The following NKAIN2 variants were observed in gnomAD, a reference collection of about 807,000 sequenced individuals.
The protein encoded by NKAIN2 is sodium/potassium-transporting ATPase subunit beta-1-interacting protein 2.
A neutral mutation model predicts 32.6 loss-of-function variants in NKAIN2; 14 were observed. The observed-to-expected ratio is 0.43, with a 90% CI of 0.28 to 0.67. The LOEUF is 0.67. Ranked by LOEUF, NKAIN2 falls within the 30% of genes least tolerant of loss-of-function variation. NKAIN2 has a pLI of 0.17. For missense variants in NKAIN2, 198 were observed against 258.3 expected (o/e 0.77, Z 1.60); for synonymous variants, 80 against 87.2 (o/e 0.92, Z 0.46).
At chr6:124,254,485 G>C (rs933540662) in intron 1 of NKAIN2, among the ~76,000 whole-genome samples, 1 of 151,964 alleles carries the variant, frequency 6.6e-6, no homozygotes, top group Admixed American at 6.6e-5. Flanking sequence ...AGATTGATTT[G>C]TATTTTTCTT....
chr6:124,051,945 CAATT>C (rs1782424318), intron 1 of NKAIN2, among the ~76,000 whole-genome samples: 1 of 151,962 alleles, frequency 6.6e-6, no homozygotes, highest in Non-Finnish European at 1.5e-5. Flanking sequence ...TGCCATGTGA[CAATT>C]AATCACTAGT....
At chr6:124,465,071 C>G (rs1009798796) in intron 3 of NKAIN2, among the ~76,000 whole-genome samples, 2 of 151,924 alleles carry the variant, frequency 1.3e-5, no homozygotes, top group Non-Finnish European at 2.9e-5. Flanking sequence ...TTCTCCTTAA[C>G]AAGGTCCTTC....
intron 1 of NKAIN2, among the ~76,000 whole-genome samples, chr6:123,917,300 C>A (rs1305655806): frequency 1.3e-5 from 2 of 151,858 alleles, no homozygotes; most frequent in Admixed American, 6.6e-5. Flanking sequence ...TCATGTGTGC[C>A]TTAGGTCATG....
intron 3 of NKAIN2, among the ~76,000 whole-genome samples, chr6:124,500,973 G>T (rs535782279): frequency 6.6e-6 from 1 of 152,182 alleles, no homozygotes; most frequent in Admixed American, 6.5e-5. Context: ...GCAAAGATAA[G>T]ATGTAGAAAA....
intron 3 of NKAIN2, among the ~76,000 whole-genome samples, chr6:124,397,155 TAAAG>T (rs1303582692): frequency 6.6e-6 from 1 of 151,950 alleles, no homozygotes; most frequent in East Asian, 1.9e-4. Context: ...ATACACATAA[TAAAG>T]AAAATTATAA....
intron 3 of NKAIN2, among the ~76,000 whole-genome samples, chr6:124,505,672 C>A (rs1468566561): frequency 6.6e-6 from 1 of 152,046 alleles, no homozygotes; most frequent in East Asian, 1.9e-4. Flanking sequence ...CTATCTGATA[C>A]TATTAAATAC....
chr6:124,678,997 G>A (rs750866825), intron 4 of NKAIN2, among the ~76,000 whole-genome samples: 9 of 151,738 alleles, frequency 5.9e-5, no homozygotes, highest in Non-Finnish European at 1.2e-4. Flanking sequence ...TCACTCCCTT[G>A]GTGCATGTCA....
Position 124,342,955 on chromosome 6 carries a change from A to G in NKAIN2, c.193-12312A>G, listed in dbSNP as rs992123519. On this transcript the variant is annotated intron_variant, in intron 2 of 6. Transcript: ENST00000368417. ...ATTAACTCATCATTTAGCATTAGCT[A>G]TATCTCCTAATGCTATCCCTTCCCC... Among the ~76,000 whole-genome samples, 4 of 150,366 alleles carry G rather than the reference A, an allele frequency of 2.7e-5. No homozygotes were observed. In the East Asian group the frequency reaches 6.0e-4, roughly 22 times the overall value.
intron 3 of NKAIN2, among the ~76,000 whole-genome samples, chr6:124,645,240 T>C (rs1784126871): frequency 6.6e-6 from 1 of 152,102 alleles, no homozygotes; most frequent in Non-Finnish European, 1.5e-5. Flanking sequence ...TAACATCCTC[T>C]AACAACAGGA....
intron 3 of NKAIN2, among the ~76,000 whole-genome samples, chr6:124,642,813 G>A (rs186357522): frequency 2.0e-5 from 3 of 152,182 alleles, no homozygotes; most frequent in Non-Finnish European, 2.9e-5. Context: ...AAATGTACTT[G>A]CTTGGCATTC....
At chr6:123,887,183 A>G (rs1283610527) in intron 1 of NKAIN2, among the ~76,000 whole-genome samples, 3 of 128,166 alleles carry the variant, frequency 2.3e-5, no homozygotes, top group Admixed American at 1.8e-4. Context: ...CCTAGTGGGC[A>G]CTTAGAAGAA....
intron 3 of NKAIN2, among the ~76,000 whole-genome samples, chr6:124,366,036 C>T (rs1047387717): frequency 2.0e-5 from 3 of 151,588 alleles, no homozygotes; most frequent in Non-Finnish European, 4.4e-5. Flanking sequence ...GAGTAGAAAT[C>T]CTCAAAACTC....
intron 1 of NKAIN2, among the ~76,000 whole-genome samples, chr6:123,957,867 G>A (rs1415817857): frequency 6.6e-6 from 1 of 152,112 alleles, no homozygotes; most frequent in Non-Finnish European, 1.5e-5. Context: ...TTAAACCTTA[G>A]TGTTTTTATT....
intron 1 of NKAIN2, among the ~76,000 whole-genome samples, chr6:124,106,388 T>C (rs1185589705): frequency 1.3e-5 from 2 of 152,182 alleles, no homozygotes; most frequent in Non-Finnish European, 2.9e-5. Context: ...GGGAAAACAC[T>C]ATTATTGTAG....
chr6:124,057,738 T>C (rs993475755), intron 1 of NKAIN2, among the ~76,000 whole-genome samples: 4 of 151,882 alleles, frequency 2.6e-5, no homozygotes, highest in Non-Finnish European at 5.9e-5. Context: ...TGGCAGAGTA[T>C]GCTCAAAGTC....
At chr6:124,671,210 C>T (rs1260660195) in intron 4 of NKAIN2, among the ~76,000 whole-genome samples, 1 of 152,056 alleles carries the variant, frequency 6.6e-6, no homozygotes, top group Non-Finnish European at 1.5e-5. Context: ...CTGATTTTCT[C>T]TCTTTTTTAG....
intron 1 of NKAIN2, among the ~76,000 whole-genome samples, chr6:123,832,026 A>G (rs1428799348): frequency 6.6e-6 from 1 of 152,126 alleles, no homozygotes; most frequent in Non-Finnish European, 1.5e-5. Flanking sequence ...TATTGATGTT[A>G]TATATTCTGT....
intron 1 of NKAIN2, among the ~76,000 whole-genome samples, chr6:123,842,073 G>A (rs184379204): frequency 1.6e-4 from 24 of 152,296 alleles, no homozygotes; most frequent in African/African-American, 5.5e-4. Flanking sequence ...AACATCAGTA[G>A]ACATCTGATT....
chr6:124,370,481 C>T (rs1799709560), intron 3 of NKAIN2, among the ~76,000 whole-genome samples: 1 of 151,972 alleles, frequency 6.6e-6, no homozygotes, highest in South Asian at 2.1e-4. Context: ...CACATGCAAC[C>T]TGCTAGAGGA....
Sources: allele counts gnomAD v4.1 joint callset (sites outside exome capture counted in the v4.1 genomes callset), GRCh38; gene constraint gnomAD v4.1.1; transcripts MANE v1.5; gene names NCBI Gene and HGNC (gene_info 2026-07-23, HGNC 2026-07-21).